Variants in PKD1L1 observed in about 807,000 individuals in gnomAD.
PKD1L1 encodes the protein polycystin-1-like protein 1.
A neutral mutation model predicts 323.4 loss-of-function variants in PKD1L1; 236 were observed. The ratio of observed to expected loss-of-function variants is 0.73; its 90% CI spans 0.66 to 0.81. The LOEUF is 0.81. PKD1L1 is among the 40% of genes least tolerant of loss of function. The pLI is 0.00. For synonymous variants in PKD1L1, 1,344 were observed against 1,335.0 expected (o/e 1.01, Z -0.15); for missense variants, 3,320 against 3,508.0 (o/e 0.95, Z 1.35).
intron 24 of PKD1L1, among the ~76,000 whole-genome samples, chr7:47,867,540 T>C (rs1024061030): frequency 2.0e-5 from 3 of 152,162 alleles, no homozygotes; most frequent in African/African-American, 7.2e-5. Flanking sequence ...AATGAAAAAT[T>C]ATGAGACATC....
At chr7:47,924,202 G>A (rs1217622906) in intron 7 of PKD1L1, among the ~76,000 whole-genome samples, 3 of 152,104 alleles carry the variant, frequency 2.0e-5, no homozygotes, top group Non-Finnish European at 4.4e-5. Context: ...TTTGGAGGCT[G>A]GGGTTTTGTA....
At chr7:47,940,037 G>T (rs897727000) in intron 3 of PKD1L1, among the ~76,000 whole-genome samples, 156 bp downstream of exon 3, 2 of 152,240 alleles carry the variant, frequency 1.3e-5, no homozygotes, top group African/African-American at 4.8e-5. Context: ...CTGAATTAAG[G>T]CTTTATAAGT....
rs761851751 is a variant in PKD1L1 at position 47,845,000 on chromosome 7, T to C, written c.5232A>G (p.Leu1744=). 1.9e-6 allele frequency: 3 copies of C among 1,613,230 alleles called. No homozygotes were observed. Among genetic ancestry groups the C allele is most frequent in the South Asian group, 2.2e-5 (2 of 91,008 alleles). ...ASFEVSDISK[L]QSHPENLLPS... ...ATGTAGGAAATGGAACTTACCTCTG[T>C]AGCTTGGAAATGTCACTCACTTCAA... The change falls in exon 33 of 57, where the codon CTA becomes CTG. Residue 1744 remains leucine, a synonymous_variant. Transcript: ENST00000289672.
At chr7:47,959,162 CG>C in the PKD1L1 span, among the ~76,000 whole-genome samples, 2 of 151,938 alleles carry the variant, frequency 1.3e-5, no homozygotes, top group African/African-American at 4.8e-5. Context: ...GGCGTGATCT[CG>C]GCTCGCTACA....
In PKD1L1 at chr7:47,806,949, C is replaced by T. The variant is rs564469014; in HGVS notation, c.7827+1298G>A. On this transcript the variant is annotated intron_variant, in intron 52 of 56. Transcript: ENST00000289672. ...GCTTTCCAGGCTCTCTGAACTGGTG[C>T]AAGCGGGACACACACAGACAGGATT... 5.9e-5 allele frequency among the ~76,000 whole-genome samples: 9 copies of T among 152,232 alleles called. No individual in the cohort carries two copies. In the South Asian group the frequency reaches 1.9e-3, roughly 32 times the overall value.
intron 17 of PKD1L1, among the ~76,000 whole-genome samples, 159 bp downstream of exon 17, chr7:47,887,831 T>C (rs979012601): frequency 2.0e-5 from 3 of 152,214 alleles, no homozygotes; most frequent in African/African-American, 7.2e-5. Flanking sequence ...TCACACGGAC[T>C]GTAGAGGCAA....
chr7:47,845,723 G>T (rs1009133739), intron 32 of PKD1L1, among the ~76,000 whole-genome samples: 23 of 152,144 alleles, frequency 1.5e-4, no homozygotes, highest in African/African-American at 5.3e-4. Context: ...CCAAGTAACT[G>T]GGATTGCAGG....
At chr7:47,870,959 G>A (rs528093298) in intron 24 of PKD1L1, among the ~76,000 whole-genome samples, 2 of 131,232 alleles carry the variant, frequency 1.5e-5, no homozygotes, top group South Asian at 2.5e-4. Context: ...GACAACAGAT[G>A]GAAACCTTGT....
intron 20 of PKD1L1, 104 bp downstream of exon 20, chr7:47,881,804 TA>T: frequency 1.8e-6 from 2 of 1,124,300 alleles, no homozygotes; most frequent in Non-Finnish European, 2.5e-6. Context: ...ACCACAATTC[TA>T]AATACTTATC....
intron 2 of PKD1L1, among the ~76,000 whole-genome samples, chr7:47,942,053 A>G (rs1787999287): frequency 6.6e-6 from 1 of 152,192 alleles, no homozygotes; most frequent in African/African-American, 2.4e-5. Flanking sequence ...TTCTTCCCTC[A>G]GGAAACCAAC....
At chr7:47,897,722 T>C (rs1185037699) in intron 14 of PKD1L1, among the ~76,000 whole-genome samples, 1 of 152,236 alleles carries the variant, frequency 6.6e-6, no homozygotes, top group Non-Finnish European at 1.5e-5. Context: ...ACAGGGCTTA[T>C]TCAAATTAGG....
chr7:47,854,579 A>T (rs1485314944), intron 30 of PKD1L1, among the ~76,000 whole-genome samples: 1 of 151,666 alleles, frequency 6.6e-6, no homozygotes, highest in Non-Finnish European at 1.5e-5. Flanking sequence ...TTGGAAAAAT[A>T]AAAAAAAATC....
At chr7:47,835,681 G>A (rs753620114) in intron 37 of PKD1L1, among the ~76,000 whole-genome samples, 5 of 152,176 alleles carry the variant, frequency 3.3e-5, no homozygotes, top group Admixed American at 6.5e-5. Flanking sequence ...GATTACAGGC[G>A]TGAGCTACTG....
chr7:47,866,468 A>G lies in PKD1L1; in HGVS notation c.4043T>C (p.Ile1348Thr), dbSNP rs761594453. 6.2e-7 allele frequency: 1 copy of G among 1,613,142 alleles called. No individual in the cohort carries two copies. The highest frequency in any genetic ancestry group is 8.5e-7 in the Non-Finnish European group (1 of 1,179,590). The change falls in exon 25 of 57, where the codon ATA becomes ACA. Residue 1348 changes from isoleucine to threonine, a missense_variant. By Grantham distance (89) the Ile-to-Thr change is moderately conservative. Coordinates refer to ENST00000289672, the MANE Select transcript of PKD1L1 (RefSeq NM_138295.5). ...KTASCNQWSR[I>T]QDALISSVCR... is the part of the protein sequence containing the mutation. ...TACTGAAGAAATTAATGCATCCTGT[A>G]TTCGTGACCATTGGTTGCAGGAGGC...
chr7:47,782,113 G>C lies in PKD1L1; in HGVS notation c.8527-6947C>G, dbSNP rs549047497. On this transcript the variant is annotated intron_variant, in intron 56 of 56. Transcript: ENST00000289672. ...ATAGTATAACCACCTTCTGTGCAAG[G>C]CATCCAGTTCCTCCCCTCTCCACTC... 1.6e-3 allele frequency among the ~76,000 whole-genome samples: 249 copies of C among 152,178 alleles called. 1 individual carries two copies. Among genetic ancestry groups the C allele is most frequent in the African/African-American group, 5.9e-3 (243 of 41,508 alleles).
chr7:47,954,785 G>C, the PKD1L1 span, among the ~76,000 whole-genome samples: 1 of 152,180 alleles, frequency 6.6e-6, no homozygotes, highest in Non-Finnish European at 1.5e-5. Flanking sequence ...GTCACTGTTA[G>C]AGAAACTGTC....
chr7:47,922,677 G>C (rs962534282), intron 7 of PKD1L1, among the ~76,000 whole-genome samples: 118 of 151,748 alleles, frequency 7.8e-4, no homozygotes, highest in African/African-American at 2.7e-3. Context: ...CCGCCCGGCA[G>C]CTGCCCCGTC....
chr7:47,935,012 T>C (rs1462800160), intron 4 of PKD1L1, among the ~76,000 whole-genome samples: 1 of 152,162 alleles, frequency 6.6e-6, no homozygotes, highest in Non-Finnish European at 1.5e-5. Flanking sequence ...GAGACCCCAC[T>C]CTGCTCTTGT....
intron 54 of PKD1L1, among the ~76,000 whole-genome samples, chr7:47,796,999 C>CA (rs10600940): frequency 1.0e-3 from 130 of 129,496 alleles, no homozygotes; most frequent in Middle Eastern, 3.8e-3. Context: ...GACTCCGTCT[C>CA]AAAAAAAAAA....
Sources: allele counts gnomAD v4.1 joint callset (sites outside exome capture counted in the v4.1 genomes callset), GRCh38; gene constraint gnomAD v4.1.1; transcripts MANE v1.5; gene names NCBI Gene and HGNC (gene_info 2026-07-23, HGNC 2026-07-21).